The following ZNF407 variants were observed in gnomAD, a reference collection of about 807,000 sequenced individuals.
ZNF407 encodes zinc finger protein 407.
In ZNF407, 17 loss-of-function variants were observed where a neutral mutation model predicts 131.2. The ratio of observed to expected loss-of-function variants is 0.13; its 90% CI spans 0.09 to 0.19. ZNF407 has a LOEUF of 0.19. Ranked by LOEUF, ZNF407 falls within the 10% of genes least tolerant of loss-of-function variation. ZNF407 has a pLI of 1.00. For missense variants in ZNF407, 2,681 were observed against 2,830.6 expected (o/e 0.95, Z 1.20); for synonymous variants, 1,156 against 1,062.0 (o/e 1.09, Z -1.72).
chr18:74,623,223 T>G (rs1568317165), intron 1 of ZNF407, among the ~76,000 whole-genome samples: 1 of 151,898 alleles, frequency 6.6e-6, no homozygotes, highest in African/African-American at 2.4e-5. Flanking sequence ...TGACTGCGTG[T>G]GTGAGTGCGG....
intron 7 of ZNF407, among the ~76,000 whole-genome samples, chr18:74,910,279 A>T (rs772204429): frequency 3.3e-5 from 5 of 152,192 alleles, no homozygotes; most frequent in African/African-American, 4.8e-5. Context: ...TTCCAAAGTA[A>T]TACGTTATTT....
At chr18:75,036,072 C>A (rs1052378559) in intron 8 of ZNF407, among the ~76,000 whole-genome samples, 3 of 152,120 alleles carry the variant, frequency 2.0e-5, no homozygotes. Flanking sequence ...TCTCCCAAAG[C>A]AGTTGAATGC....
intron 4 of ZNF407, among the ~76,000 whole-genome samples, chr18:74,844,164 G>A (rs1329718139): frequency 6.6e-6 from 1 of 152,108 alleles, no homozygotes; most frequent in Non-Finnish European, 1.5e-5. Context: ...ACACCATCCT[G>A]AGTCTTTTTC....
chr18:74,974,370 T>C (rs914537046), intron 8 of ZNF407, among the ~76,000 whole-genome samples: 1 of 152,196 alleles, frequency 6.6e-6, no homozygotes, highest in Non-Finnish European at 1.5e-5. Flanking sequence ...AACCTTAGTA[T>C]AAAGAGTTAA....
chr18:74,745,172 G>C (rs1156270374), intron 3 of ZNF407, among the ~76,000 whole-genome samples: 1 of 152,056 alleles, frequency 6.6e-6, no homozygotes, highest in Non-Finnish European at 1.5e-5. Flanking sequence ...CTTAATAATT[G>C]GTTATCTTGT....
intron 2 of ZNF407, among the ~76,000 whole-genome samples, chr18:74,640,235 G>A (rs1216115272): frequency 6.6e-6 from 1 of 152,064 alleles, no homozygotes; most frequent in Non-Finnish European, 1.5e-5. Flanking sequence ...GACACTAAGT[G>A]TGTAGACTTT....
chr18:74,687,361 C>G (rs1227890122), intron 3 of ZNF407, among the ~76,000 whole-genome samples: 1 of 152,096 alleles, frequency 6.6e-6, no homozygotes, highest in Non-Finnish European at 1.5e-5. Context: ...AACAAACAAA[C>G]AAACCCCAGT....
rs796231017 is a variant in ZNF407 at position 74,797,988 on chromosome 18, G to A, written c.4877+16486G>A. Among the ~76,000 whole-genome samples, 8 of 152,086 alleles carry A rather than the reference G, an allele frequency of 5.3e-5. No homozygotes were observed. In the East Asian group the frequency reaches 7.7e-4, roughly 15 times the overall value. ...ATCAAGGTGAGAGTTCTGGAATAGT[G>A]TACATGGGGAAGGGAAAGCATGACT... On this transcript the variant is annotated intron_variant, in intron 4 of 8. Transcript: ENST00000299687.
chr18:74,859,985 A>G (rs148368156), intron 4 of ZNF407, among the ~76,000 whole-genome samples: 125 of 152,314 alleles, frequency 8.2e-4, no homozygotes, highest in African/African-American at 2.8e-3. Flanking sequence ...TACTCCCTTC[A>G]TGGCTACTGC....
intron 3 of ZNF407, among the ~76,000 whole-genome samples, chr18:74,729,505 G>GTGT (rs1555681309): frequency 1.3e-5 from 2 of 150,450 alleles, no homozygotes; most frequent in East Asian, 1.9e-4. Flanking sequence ...GTGTGTGTGT[G>GTGT]TTTTTTTTTG....
chr18:74,756,190 C>T (rs1410085168), intron 3 of ZNF407, among the ~76,000 whole-genome samples: 1 of 151,972 alleles, frequency 6.6e-6, no homozygotes, highest in Non-Finnish European at 1.5e-5. Flanking sequence ...CAGCGCCTGG[C>T]CATATATTTC....
chr18:74,971,705 C>T (rs1443588663), intron 8 of ZNF407, among the ~76,000 whole-genome samples: 2 of 152,164 alleles, frequency 1.3e-5, no homozygotes, highest in African/African-American at 2.4e-5. Flanking sequence ...CACGTTTTCC[C>T]GTCTTTTTCT....
At chr18:74,609,777 A>G (rs186716979) in intron 1 of ZNF407, among the ~76,000 whole-genome samples, 2 of 152,322 alleles carry the variant, frequency 1.3e-5, no homozygotes, top group Admixed American at 1.3e-4. Context: ...ATGATAGGGA[A>G]CCATCATCAT....
At chr18:74,980,550 A>T (rs982509336) in intron 8 of ZNF407, among the ~76,000 whole-genome samples, 1 of 151,848 alleles carries the variant, frequency 6.6e-6, no homozygotes, top group Non-Finnish European at 1.5e-5. Flanking sequence ...CAGGTGATCC[A>T]CCCGCCTCGG....
intron 3 of ZNF407, among the ~76,000 whole-genome samples, chr18:74,721,834 C>A (rs1968043872): frequency 6.6e-6 from 1 of 152,144 alleles, no homozygotes; most frequent in African/African-American, 2.4e-5. Context: ...TCTCCACCTT[C>A]TTTATTTGGG....
chr18:75,050,296 ATAAG>A (rs1284110183), intron 8 of ZNF407, among the ~76,000 whole-genome samples: 1 of 152,182 alleles, frequency 6.6e-6, no homozygotes, highest in Non-Finnish European at 1.5e-5. Flanking sequence ...CTTTAAGAAA[ATAAG>A]TATTATGTTA....
At chr18:75,016,497 G>A (rs911465436) in intron 8 of ZNF407, among the ~76,000 whole-genome samples, 1 of 101,414 alleles carries the variant, frequency 9.9e-6, no homozygotes, top group African/African-American at 3.1e-5. Flanking sequence ...GAACTATATT[G>A]GTGCCATATT....
At chr18:74,762,272 A>G (rs1361543331) in intron 3 of ZNF407, among the ~76,000 whole-genome samples, 1 of 152,184 alleles carries the variant, frequency 6.6e-6, no homozygotes, top group Non-Finnish European at 1.5e-5. Context: ...TTAATAAAGC[A>G]AAAAGGTAAA....
intron 8 of ZNF407, among the ~76,000 whole-genome samples, chr18:75,046,152 ACAGT>A (rs1299410027): frequency 1.3e-5 from 2 of 152,224 alleles, no homozygotes; most frequent in African/African-American, 4.8e-5. Flanking sequence ...TCTGCATAAC[ACAGT>A]CAGCTGCTAT....
Sources: gnomAD v4.1 joint callset for allele counts (sites outside exome capture counted in the v4.1 genomes callset) on GRCh38, gnomAD v4.1.1 for gene constraint, MANE v1.5 for transcripts, NCBI Gene and HGNC (gene_info 2026-07-23, HGNC 2026-07-21) for gene names.